AK7: variants seen among roughly 807,000 people sequenced by gnomAD.
AK7 encodes ATP-AMP transphosphorylase 7.
In AK7, 78 loss-of-function variants were observed where a neutral mutation model predicts 96.6. The ratio of observed to expected loss-of-function variants is 0.81; its 90% CI spans 0.67 to 0.97. The LOEUF is 0.97. AK7 is among the 50% of genes least tolerant of loss of function. AK7 has a pLI of 0.00. For synonymous variants in AK7, 302 were observed against 317.2 expected (o/e 0.95, Z 0.51); for missense variants, 855 against 887.9 (o/e 0.96, Z 0.47).
At position 96,437,644 on chromosome 14, in the gene AK7, G is replaced by A. The variant is rs554775360; in HGVS notation, c.610-191G>A. The stretch of plus-strand genomic sequence containing the variant: ...TTGTTAAATTTTAATAGTAGTCAGA[G>A]GTATTCCTGAATAGTGCGGGGGTGT... On this transcript the variant is annotated intron_variant, in intron 5 of 17. Coordinates refer to ENST00000267584, the MANE Select transcript of AK7 (RefSeq NM_152327.5). Among the ~76,000 whole-genome samples the A allele has an allele frequency of 6.4e-4, 98 of 152,292 alleles. No homozygotes were observed. The Middle Eastern group carries it at 0.014, about 21-fold the overall frequency.
chr14:96,414,140 C>T (rs1158330128), intron 4 of AK7, among the ~76,000 whole-genome samples: 1 of 152,232 alleles, frequency 6.6e-6, no homozygotes, highest in Non-Finnish European at 1.5e-5. Flanking sequence ...TCAAGTCAGT[C>T]TTCTCCCAAC....
chr14:96,397,046 A>G (rs1226249355), intron 1 of AK7, among the ~76,000 whole-genome samples: 1 of 152,212 alleles, frequency 6.6e-6, no homozygotes, highest in East Asian at 1.9e-4. Context: ...GCAGTGAGCT[A>G]TGCTTGCACC....
In AK7 at chr14:96,404,414, A is replaced by C. The variant is rs529451206; in HGVS notation, c.295-343A>C. Among the ~76,000 whole-genome samples the C allele has an allele frequency of 2.9e-3, 441 of 152,318 alleles. 6 individuals carry two copies. The South Asian group carries it at 0.039, about 13-fold the overall frequency. Reference sequence around the variant, plus strand: ...TATATAATTGCTCAAATAATCTTGCATAGAGTTTGAATTAGTTTTAAATGC... The same window carrying C: ...TATATAATTGCTCAAATAATCTTGCCTAGAGTTTGAATTAGTTTTAAATGC... On this transcript the variant is annotated intron_variant, in intron 2 of 17. Transcript: ENST00000267584.
intron 12 of AK7, among the ~76,000 whole-genome samples, chr14:96,466,147 C>T (rs1894555449): frequency 6.6e-6 from 1 of 151,026 alleles, no homozygotes; most frequent in Non-Finnish European, 1.5e-5. Flanking sequence ...CTCACTGCAG[C>T]CCCTATCTCC....
At chr14:96,426,349 T>G (rs1222994897) in intron 5 of AK7, among the ~76,000 whole-genome samples, 1 of 152,226 alleles carries the variant, frequency 6.6e-6, no homozygotes, top group Non-Finnish European at 1.5e-5. Flanking sequence ...TTTTGATGTT[T>G]CTATTTATAT....
At chr14:96,401,635 G>A (rs1000845498) in intron 2 of AK7, among the ~76,000 whole-genome samples, 3 of 152,156 alleles carry the variant, frequency 2.0e-5, no homozygotes, top group Non-Finnish European at 2.9e-5. Flanking sequence ...CGCTTCAGCG[G>A]CACATATGCT....
At chr14:96,427,105 C>T (rs540676167) in intron 5 of AK7, among the ~76,000 whole-genome samples, 3 of 152,162 alleles carry the variant, frequency 2.0e-5, no homozygotes, top group East Asian at 1.9e-4. Context: ...ATTAGCCAGG[C>T]GTGGTAGTGC....
intron 7 of AK7, among the ~76,000 whole-genome samples, chr14:96,445,790 G>T (rs1348194095): frequency 6.6e-6 from 1 of 152,192 alleles, no homozygotes; most frequent in South Asian, 2.1e-4. Flanking sequence ...TAAGATGGAG[G>T]TAGAATTGAC....
At chr14:96,418,605 G>A (rs1419906351) in intron 4 of AK7, among the ~76,000 whole-genome samples, 1 of 152,072 alleles carries the variant, frequency 6.6e-6, no homozygotes, top group Non-Finnish European at 1.5e-5. Context: ...TGCAACCTCA[G>A]CCTCCCAGGT....
intron 8 of AK7, among the ~76,000 whole-genome samples, chr14:96,448,292 A>C (rs4905495): frequency 0.87 from 131,651 of 151,936 alleles, 57,385 homozygotes; most frequent in African/African-American, 0.96. Flanking sequence ...AGCTTATAAA[A>C]AATAGACATT....
At chr14:96,483,471 G>A (rs191515650) in intron 16 of AK7, among the ~76,000 whole-genome samples, 91 of 151,664 alleles carry the variant, frequency 6.0e-4, no homozygotes, top group African/African-American at 2.1e-3. Context: ...GCCCAGGCTG[G>A]AGTGCAGTGG....
Position 96,478,796 on chromosome 14 carries a change from A to T in AK7, c.1753+134A>T, listed in dbSNP as rs565974206. On this transcript the variant is annotated intron_variant, in intron 15 of 17. Coordinates refer to ENST00000267584, the MANE Select transcript of AK7 (RefSeq NM_152327.5). ...GGGTTGGGGCACAGGAAGCCATGAA[A>T]TACACAGGGCACTCCTCCTGGGGAG... 1.3e-5 allele frequency: 11 copies of T among 825,540 alleles called. No homozygotes were observed. The South Asian group carries it at 1.7e-4, about 12-fold the overall frequency. 51.1% of individuals were successfully genotyped at this position (825,540 alleles called of 1,614,324 possible). A position where few individuals can be genotyped will look rare whatever the true frequency, so the allele number is the denominator to read the frequency against.
chr14:96,483,461 G>A (rs187982420), intron 16 of AK7, among the ~76,000 whole-genome samples: 54 of 149,318 alleles, frequency 3.6e-4, no homozygotes, highest in Admixed American at 2.7e-3. Context: ...TGGCTCTGTC[G>A]CCCAGGCTGG....
At position 96,442,781 on chromosome 14, in the gene AK7, A is replaced by T; in HGVS notation, c.742A>T (p.Asn248Tyr). Residue 248 changes from asparagine to tyrosine, a missense_variant, in exon 7 of 18, where the codon AAT becomes TAT. Physicochemically the swap from Asn to Tyr is moderately radical, Grantham distance 143. Coordinates refer to ENST00000267584, the MANE Select transcript of AK7 (RefSeq NM_152327.5). ...ATTACCAGTTTTTGGCGATGGAACA[A>T]ATGTAATTCCAACAATCCATGTTCT... ...PALPVFGDGT[N>Y]VIPTIHVLDL... 6.2e-7 allele frequency: 1 copy of T among 1,614,210 alleles called. No homozygotes were observed. The highest frequency in any genetic ancestry group is 1.1e-5 in the South Asian group (1 of 91,086).
chr14:96,420,596 T>C (rs1891622939), intron 4 of AK7, among the ~76,000 whole-genome samples: 1 of 151,602 alleles, frequency 6.6e-6, no homozygotes, highest in African/African-American at 2.4e-5. Context: ...CGGTGGTTCA[T>C]GCCTATAATC....
intron 5 of AK7, among the ~76,000 whole-genome samples, chr14:96,434,547 A>C (rs1892537662): frequency 3.3e-5 from 5 of 152,098 alleles, no homozygotes; most frequent in African/African-American, 9.7e-5. Context: ...ACCTGAAGCC[A>C]GCACAGCACT....
At chr14:96,393,219 G>A (rs1271429026) in intron 1 of AK7, among the ~76,000 whole-genome samples, 1 of 152,140 alleles carries the variant, frequency 6.6e-6, no homozygotes. Context: ...GGTAGGACCC[G>A]TCCATCTGAA....
intron 4 of AK7, among the ~76,000 whole-genome samples, chr14:96,412,226 C>CTTTT (rs34331496): frequency 1.4e-4 from 17 of 120,978 alleles, no homozygotes; most frequent in South Asian, 2.7e-4. Context: ...TTCTTTCTTT[C>CTTTT]TTTTTTTTTT....
intron 4 of AK7, among the ~76,000 whole-genome samples, chr14:96,410,418 G>A (rs990397257): frequency 2.0e-4 from 30 of 152,180 alleles, no homozygotes; most frequent in Admixed American, 1.6e-3. Flanking sequence ...GTTCAACAAC[G>A]GACTTCAGGA....
Sources: gnomAD v4.1 joint callset for allele counts (sites outside exome capture counted in the v4.1 genomes callset) on GRCh38, gnomAD v4.1.1 for gene constraint, MANE v1.5 for transcripts, NCBI Gene and HGNC (gene_info 2026-07-23, HGNC 2026-07-21) for gene names.